The following CPNE4 variants were observed in gnomAD, a reference collection of about 807,000 sequenced individuals.
CPNE4 encodes the protein copine 4.
In CPNE4, 25 loss-of-function variants were observed where a neutral mutation model predicts 67.9. The observed-to-expected ratio is 0.37, with a 90% CI of 0.27 to 0.51. CPNE4 has a LOEUF of 0.51. Ranked by LOEUF, CPNE4 falls within the 20% of genes least tolerant of loss-of-function variation. The pLI is 0.93. For missense variants in CPNE4, 464 were observed against 690.8 expected, an observed-to-expected ratio of 0.67 and a Z score of 3.68; for synonymous variants, 242 against 244.9, an observed-to-expected ratio of 0.99 and a Z score of 0.11.
chr3:131,748,803 G>C (rs1034606643), intron 2 of CPNE4, among the ~76,000 whole-genome samples: 3 of 151,978 alleles, frequency 2.0e-5, no homozygotes, highest in African/African-American at 7.2e-5. Context: ...CAGGATGTGT[G>C]GCAATATCCT....
intron 2 of CPNE4, among the ~76,000 whole-genome samples, chr3:131,845,419 A>G (rs530907051): frequency 1.5e-3 from 223 of 152,338 alleles, no homozygotes; most frequent in Non-Finnish European, 2.4e-3. Context: ...TGTCTCTGAT[A>G]CCAGAGTTTT....
At chr3:132,036,309 G>A (rs199604051), upstream of CPNE4, among the ~76,000 whole-genome samples, 1 of 152,026 alleles carries the variant, frequency 6.6e-6, no homozygotes, top group South Asian at 2.1e-4. Flanking sequence ...TGTGACCTTT[G>A]GATATGGAAT....
intron 2 of CPNE4, among the ~76,000 whole-genome samples, chr3:131,815,039 C>T (rs887426709): frequency 3.3e-5 from 5 of 152,080 alleles, no homozygotes; most frequent in Non-Finnish European, 7.4e-5. Flanking sequence ...TGGTGGATAA[C>T]GGAAGACTGG....
chr3:132,019,381 A>G (rs2073947577), intron 1 of CPNE4, among the ~76,000 whole-genome samples: 1 of 152,228 alleles, frequency 6.6e-6, no homozygotes, highest in Admixed American at 6.5e-5. Flanking sequence ...CTTGGTGAGT[A>G]AGAGAAACAG....
chr3:131,992,120 C>T (rs1317956617), intron 1 of CPNE4, among the ~76,000 whole-genome samples: 1 of 136,528 alleles, frequency 7.3e-6, no homozygotes, highest in African/African-American at 2.5e-5. Flanking sequence ...ACACTGAGTC[C>T]TCAGTGGGGC....
At chr3:131,978,496 T>TTA (rs1362776244) in intron 1 of CPNE4, among the ~76,000 whole-genome samples, 2 of 64,682 alleles carry the variant, frequency 3.1e-5, no homozygotes, top group African/African-American at 1.5e-4. Context: ...TTATATATAT[T>TTA]TATATATTTA....
At chr3:131,792,835 G>A (rs1161888746) in intron 2 of CPNE4, among the ~76,000 whole-genome samples, 10 of 147,286 alleles carry the variant, frequency 6.8e-5, no homozygotes, top group Non-Finnish European at 9.0e-5. Flanking sequence ...TAATGAGTGC[G>A]TGTGTGTATA....
chr3:131,553,624 C>A (rs1936304826), intron 12 of CPNE4, among the ~76,000 whole-genome samples: 1 of 152,100 alleles, frequency 6.6e-6, no homozygotes. Flanking sequence ...TGATAATATA[C>A]TCTGTGCTGA....
intron 2 of CPNE4, among the ~76,000 whole-genome samples, chr3:131,780,631 A>T (rs967637869): frequency 1.3e-5 from 2 of 152,122 alleles, no homozygotes; most frequent in Non-Finnish European, 2.9e-5. Context: ...GAACACACAG[A>T]CGCAAAGAGA....
At chr3:131,852,120 C>T (rs539342845) in intron 2 of CPNE4, among the ~76,000 whole-genome samples, 113 of 151,980 alleles carry the variant, frequency 7.4e-4, no homozygotes, top group African/African-American at 2.6e-3. Flanking sequence ...TTCACTCATA[C>T]GTTTTATTCT....
At chr3:131,954,092 A>G in intron 1 of CPNE4, among the ~76,000 whole-genome samples, 1 of 152,194 alleles carries the variant, frequency 6.6e-6, no homozygotes, top group East Asian at 1.9e-4. Flanking sequence ...TAAGTAGCAG[A>G]GGATTTGTAG....
chr3:132,015,080 T>C (rs2073859147), intron 1 of CPNE4, among the ~76,000 whole-genome samples: 1 of 152,350 alleles, frequency 6.6e-6, no homozygotes, highest in South Asian at 2.1e-4. Context: ...ATTTTTATAA[T>C]AGGTTACAAA....
intron 2 of CPNE4, among the ~76,000 whole-genome samples, chr3:131,848,666 CAA>C (rs10565807): frequency 0.26 from 36,121 of 139,942 alleles, 4,601 homozygotes; most frequent in Admixed American, 0.36. Context: ...AATGTGCATC[CAA>C]AAAAAAAAAA....
intron 1 of CPNE4, among the ~76,000 whole-genome samples, chr3:132,013,278 C>T (rs920903043): frequency 2.0e-5 from 3 of 152,148 alleles, no homozygotes; most frequent in African/African-American, 7.2e-5. Flanking sequence ...TAGGCAATTA[C>T]ATTGAGTTAA....
chr3:131,878,863 T>C (rs2087557450), intron 2 of CPNE4, among the ~76,000 whole-genome samples: 1 of 152,240 alleles, frequency 6.6e-6, no homozygotes, highest in Non-Finnish European at 1.5e-5. Context: ...AAATATTTAG[T>C]GCCAATCAGG....
intron 7 of CPNE4, among the ~76,000 whole-genome samples, chr3:131,652,502 G>C (rs973553323): frequency 1.3e-5 from 2 of 152,054 alleles, no homozygotes; most frequent in Non-Finnish European, 2.9e-5. Context: ...GAACTAGAAA[G>C]TTCTCAGCAA....
At chr3:131,631,353 T>C (rs567354289) in intron 7 of CPNE4, among the ~76,000 whole-genome samples, 1 of 152,196 alleles carries the variant, frequency 6.6e-6, no homozygotes, top group African/African-American at 2.4e-5. Context: ...TTGGTTTTGA[T>C]TGAAAGTTTT....
intron 1 of CPNE4, among the ~76,000 whole-genome samples, chr3:131,987,066 C>T (rs926294911): frequency 3.9e-5 from 6 of 152,176 alleles, no homozygotes; most frequent in Admixed American, 3.3e-4. Flanking sequence ...ATGAATGCTC[C>T]ATAAAAACAC....
intron 15 of CPNE4, among the ~76,000 whole-genome samples, chr3:131,539,359 T>C (rs578039953): frequency 5.3e-5 from 8 of 152,182 alleles, no homozygotes; most frequent in Non-Finnish European, 1.2e-4. Context: ...CTGTCTTTCC[T>C]CAAACACTTA....
Sources: allele counts gnomAD v4.1 joint callset (sites outside exome capture counted in the v4.1 genomes callset), GRCh38; gene constraint gnomAD v4.1.1; transcripts MANE v1.5; gene names NCBI Gene and HGNC (gene_info 2026-07-23, HGNC 2026-07-21).